Variants in DST observed in about 807,000 individuals in gnomAD.
The protein encoded by DST is dystonin.
In DST, 253 loss-of-function variants were observed where a neutral mutation model predicts 875.2. The observed-to-expected ratio is 0.29, with a 90% CI of 0.26 to 0.32. The LOEUF (loss-of-function observed/expected upper bound fraction) is 0.32. Ranked by LOEUF, DST falls within the 10% of genes least tolerant of loss-of-function variation. DST has a pLI of 1.00. For missense variants in DST, 8,287 were observed against 9,111.6 expected (o/e 0.91, Z 3.68); for synonymous variants, 3,124 against 3,197.1 (o/e 0.98, Z 0.77).
At chr6:56,599,056 T>C (rs2098418861) in intron 45 of DST, among the ~76,000 whole-genome samples, 1 of 152,152 alleles carries the variant, frequency 6.6e-6, no homozygotes, top group Non-Finnish European at 1.5e-5. Context: ...TATATGCTAA[T>C]ATTTATTGTT....
chr6:56,842,701 C>T (rs896236976), intron 4 of DST, among the ~76,000 whole-genome samples: 20 of 152,112 alleles, frequency 1.3e-4, no homozygotes, highest in African/African-American at 4.6e-4. Flanking sequence ...GCAGCAATGC[C>T]TTAGTAATCC....
chr6:56,557,551 A>AT lies in DST; in HGVS notation c.14441-34dup. On this transcript the variant is annotated intron_variant, in intron 58 of 103. Coordinates refer to ENST00000680361, the MANE Select transcript of DST (RefSeq NM_001374736.1). ...AAAAAAAATGAAACTGGTGTTTGAC[A>AT]TTTTTTGCATTTAACATGACTATGT... 3 of 1,528,378 alleles carry AT rather than the reference A, an allele frequency of 2.0e-6. No homozygotes were observed. In the South Asian group the frequency reaches 3.5e-5, roughly 18 times the overall value. 94.7% of individuals were successfully genotyped at this position (1,528,378 alleles called of 1,614,324 possible).
intron 23 of DST, 95 bp from the exon 24 acceptor site, chr6:56,635,809 T>C (rs2098818790): frequency 1.5e-6 from 2 of 1,309,360 alleles, no homozygotes; most frequent in African/African-American, 1.4e-5. Context: ...TGTGTACCCC[T>C]CATAAGTGAG....
chr6:56,676,161 G>C (rs2099128744), intron 9 of DST, among the ~76,000 whole-genome samples: 1 of 152,160 alleles, frequency 6.6e-6, no homozygotes, highest in Non-Finnish European at 1.5e-5. Flanking sequence ...CCACCTCCTG[G>C]GTTCAAGCAA....
At chr6:56,474,574 C>A (rs2095072592) in intron 92 of DST, among the ~76,000 whole-genome samples, 1 of 151,990 alleles carries the variant, frequency 6.6e-6, no homozygotes, top group Non-Finnish European at 1.5e-5. Flanking sequence ...AGTGGAATAA[C>A]CTGCATGGAC....
intron 3 of DST, among the ~76,000 whole-genome samples, chr6:56,874,428 A>G (rs1778770227): frequency 6.6e-6 from 1 of 152,208 alleles, no homozygotes; most frequent in Admixed American, 6.5e-5. Flanking sequence ...TCATGAATTC[A>G]CCATCTTACT....
chr6:56,702,083 G>T, intron 7 of DST, 118 bp from the exon 8 acceptor site: 1 of 560,226 alleles, frequency 1.8e-6, no homozygotes, highest in Non-Finnish European at 3.1e-6. Flanking sequence ...TTTAGGTAAG[G>T]CCATAAGATT....
intron 4 of DST, among the ~76,000 whole-genome samples, chr6:56,752,471 C>A (rs1404225329): frequency 6.6e-6 from 1 of 152,146 alleles, no homozygotes; most frequent in Admixed American, 6.5e-5. Flanking sequence ...TTATCTTGTG[C>A]CTCTTTGCCA....
intron 4 of DST, among the ~76,000 whole-genome samples, chr6:56,800,925 T>C (rs573615726): frequency 6.8e-6 from 1 of 147,444 alleles, no homozygotes; most frequent in South Asian, 2.1e-4. Flanking sequence ...GAGGCTGAAA[T>C]GGGAGGATCA....
chr6:56,941,634 A>G (rs1816654958), intron 2 of DST, among the ~76,000 whole-genome samples: 1 of 152,120 alleles, frequency 6.6e-6, no homozygotes, highest in Admixed American at 6.5e-5. Flanking sequence ...AGTGCATGCC[A>G]CTAAGCTTGG....
Position 56,934,560 on chromosome 6 carries a change from T to TATATATATATATATA in DST, c.216+19224_216+19225insTATATATATATATAT, listed in dbSNP as rs1554267212. Among the ~76,000 whole-genome samples, 58 of 106,482 alleles carry TATATATATATATATA rather than the reference T, an allele frequency of 5.4e-4. 1 individual carries two copies. The highest frequency in any genetic ancestry group is 2.0e-3 in the African/African-American group (57 of 28,390). The allele number at this position is 106,482 out of a possible 152,430, so 69.9% of individuals were successfully genotyped here. Reference sequence around the variant, plus strand: ...TAAAATATACATATTATATATTATATTATATATATATATATATATATATAT... The same window carrying TATATATATATATATA: ...TAAAATATACATATTATATATTATATATATATATATATATATATATATATATATATATATATATAT... On this transcript the variant is annotated intron_variant, in intron 2 of 103. Coordinates refer to ENST00000680361, the MANE Select transcript of DST (RefSeq NM_001374736.1).
In DST at chr6:56,466,196, C is replaced by G; in HGVS notation, c.22570-1G>C. 6.3e-7 allele frequency: 1 copy of G among 1,596,336 alleles called. No homozygotes were observed. Among genetic ancestry groups the G allele is most frequent in the Non-Finnish European group, 8.5e-7 (1 of 1,170,602 alleles). On this transcript the variant is annotated splice_acceptor_variant, in intron 98 of 103. Transcript: ENST00000680361. LOFTEE classifies it high-confidence loss of function. ...GTCGCAGTTGCTGGGAGTCTCCAAA[C>G]TGTTCAGTGAAGAAAGAAAGAACCT...
At chr6:56,659,847 G>A (rs2152810578) in intron 10 of DST, among the ~76,000 whole-genome samples, 1 of 152,258 alleles carries the variant, frequency 6.6e-6, no homozygotes, top group Middle Eastern at 3.4e-3. Context: ...TACAAGAAAG[G>A]TTTCTAAGGC....
intron 22 of DST, among the ~76,000 whole-genome samples, chr6:56,637,790 T>C (rs2098840371): frequency 1.3e-5 from 2 of 152,130 alleles, no homozygotes; most frequent in African/African-American, 4.8e-5. Context: ...CTTTAATGAC[T>C]ATTTTAAGTA....
At chr6:56,719,100 T>G (rs1321254573) in intron 5 of DST, among the ~76,000 whole-genome samples, 4 of 152,144 alleles carry the variant, frequency 2.6e-5, no homozygotes, top group Non-Finnish European at 4.4e-5. Context: ...ACACTCCTTT[T>G]GAAAAAATGG....
At chr6:56,550,582 C>G (rs1472122146) in intron 61 of DST, among the ~76,000 whole-genome samples, 3 of 152,120 alleles carry the variant, frequency 2.0e-5, no homozygotes, top group African/African-American at 7.2e-5. Flanking sequence ...CTTGGGAACA[C>G]CAAAGGGGAG....
Position 56,494,123 on chromosome 6 carries a change from C to T in DST, c.20281G>A (p.Gly6761Ser). Reference protein sequence around the residue: ...EETYKSLMQKGQQMLARCPKS... With the variant: ...EETYKSLMQKSQQMLARCPKS... ...GGGCATCTTGCAAGCATCTGCTGGCCTTTCTGCATCAGACTCTTATATGTT... is the reference window on the plus strand; with the variant it reads ...GGGCATCTTGCAAGCATCTGCTGGCTTTTCTGCATCAGACTCTTATATGTT... The change falls in exon 83 of 104, where the codon GGC becomes AGC. Residue 6761 changes from glycine to serine, a missense_variant. Coordinates refer to ENST00000680361, the MANE Select transcript of DST (RefSeq NM_001374736.1). The T allele has an allele frequency of 6.2e-7, 1 of 1,611,730 alleles. No homozygotes were observed. Among genetic ancestry groups the T allele is most frequent in the Non-Finnish European group, 8.5e-7 (1 of 1,178,538 alleles).
At chr6:56,627,394 C>T in intron 33 of DST, 107 bp from the exon 34 acceptor site, 1 of 819,964 alleles carries the variant, frequency 1.2e-6, no homozygotes, top group South Asian at 1.3e-5. Context: ...CAGTACAGCT[C>T]CTTAGCCCTT....
chr6:56,844,612 C>T (rs1484796025), intron 4 of DST, among the ~76,000 whole-genome samples: 3 of 152,134 alleles, frequency 2.0e-5, no homozygotes, highest in South Asian at 2.1e-4. Context: ...CGGTGTCTCA[C>T]GCCTGTAATC....
Sources: gnomAD v4.1 joint callset for allele counts (sites outside exome capture counted in the v4.1 genomes callset) on GRCh38, gnomAD v4.1.1 for gene constraint, MANE v1.5 for transcripts, NCBI Gene and HGNC (gene_info 2026-07-23, HGNC 2026-07-21) for gene names.